SLF1: variants seen among roughly 807,000 people sequenced by gnomAD.
SLF1 encodes the protein SMC5-SMC6 complex localization factor protein 1.
In SLF1, 105 loss-of-function variants were observed where a neutral mutation model predicts 123.0. The observed-to-expected ratio is 0.85, with a 90% CI of 0.73 to 1.00. The LOEUF (loss-of-function observed/expected upper bound fraction) is 1.00, where lower values mean the gene tolerates loss of function less well. Ranked by LOEUF, SLF1 falls within the 50% of genes least tolerant of loss-of-function variation. The pLI, the probability that SLF1 is intolerant of heterozygous loss-of-function variation, is 0.00. For synonymous variants in SLF1, 434 were observed against 406.6 expected (o/e 1.07, Z -0.81); for missense variants, 1,239 against 1,223.0 (o/e 1.01, Z -0.20).
rs1464199127 is a variant in SLF1 at position 94,656,664 on chromosome 5, T to C, written c.1155+1912T>C. Among the ~76,000 whole-genome samples, 13 of 152,032 alleles carry C rather than the reference T, an allele frequency of 8.6e-5. No individual in the cohort carries two copies. In the East Asian group the frequency reaches 2.5e-3, roughly 29 times the overall value. On this transcript the variant is annotated intron_variant, in intron 9 of 20. Transcript: ENST00000265140. ...GAGTTTTATTACTGATTAAATCTCA[T>C]TGGTCTGTTCAGGTTTTCTGTTTCT...
At chr5:94,619,105 C>T (rs1220713300) in intron 1 of SLF1, among the ~76,000 whole-genome samples, 1 of 152,094 alleles carries the variant, frequency 6.6e-6, no homozygotes, top group East Asian at 1.9e-4. Context: ...CTCGGCCCGC[C>T]GCCTGGAAGG....
chr5:94,621,098 T>C (rs116282419), intron 1 of SLF1, among the ~76,000 whole-genome samples: 1,785 of 152,328 alleles, frequency 0.012, 42 homozygotes, highest in African/African-American at 0.042. Context: ...TTCAGTGATA[T>C]TGCTGTTCTA....
intron 6 of SLF1, among the ~76,000 whole-genome samples, chr5:94,651,436 G>A (rs1049381364): frequency 6.6e-6 from 1 of 152,096 alleles, no homozygotes; most frequent in African/African-American, 2.4e-5. Flanking sequence ...TAAACAACAT[G>A]ATTTGTAATA....
At chr5:94,619,754 G>T (rs1046710692) in intron 1 of SLF1, among the ~76,000 whole-genome samples, 1 of 152,214 alleles carries the variant, frequency 6.6e-6, no homozygotes, top group Non-Finnish European at 1.5e-5. Flanking sequence ...GGATGTGCAA[G>T]ATGTTCTCAT....
chr5:94,658,693 C>A (rs946194948), intron 9 of SLF1, among the ~76,000 whole-genome samples: 1 of 152,124 alleles, frequency 6.6e-6, no homozygotes. Flanking sequence ...ACACTTGGGA[C>A]GTTTTCAGCT....
intron 1 of SLF1, among the ~76,000 whole-genome samples, chr5:94,620,583 T>G (rs1561411930): frequency 2.0e-5 from 3 of 152,202 alleles, no homozygotes; most frequent in Non-Finnish European, 4.4e-5. Context: ...AAGTAGGGTT[T>G]TCACCATTTA....
chr5:94,666,953 CTTT>C (rs34215806), intron 12 of SLF1, among the ~76,000 whole-genome samples: 15 of 104,602 alleles, frequency 1.4e-4, no homozygotes, highest in Non-Finnish European at 9.2e-5. Flanking sequence ...CTGGGAAGAT[CTTT>C]TTTTTTTTTT....
At chr5:94,673,224 G>A (rs992252430) in intron 14 of SLF1, among the ~76,000 whole-genome samples, 1 of 151,678 alleles carries the variant, frequency 6.6e-6, no homozygotes, top group Admixed American at 6.6e-5. Context: ...CTTAAAATCA[G>A]TGAAAGTCCT....
chr5:94,670,311 T>A, intron 13 of SLF1, 32 bp downstream of exon 13: 1 of 1,416,852 alleles, frequency 7.1e-7, no homozygotes, highest in Non-Finnish European at 9.2e-7. Context: ...AACACTTTTC[T>A]AAATTTTGGT....
intron 4 of SLF1, among the ~76,000 whole-genome samples, chr5:94,641,579 G>T (rs1446737712): frequency 6.6e-6 from 1 of 152,156 alleles, no homozygotes; most frequent in African/African-American, 2.4e-5. Context: ...ATGGGGACTG[G>T]ACTGGAATGC....
chr5:94,663,345 A>G (rs1749352554), intron 10 of SLF1, among the ~76,000 whole-genome samples: 1 of 152,260 alleles, frequency 6.6e-6, no homozygotes, highest in South Asian at 2.1e-4. Context: ...AGATGAGGAA[A>G]TTAAAATTTG....
chr5:94,629,890 A>T (rs1745018147), intron 3 of SLF1, among the ~76,000 whole-genome samples: 1 of 152,218 alleles, frequency 6.6e-6, no homozygotes, highest in Non-Finnish European at 1.5e-5. Context: ...CATGCCTGTA[A>T]TCCTAGCACT....
intron 14 of SLF1, among the ~76,000 whole-genome samples, chr5:94,674,661 G>T (rs1246672605): frequency 1.3e-5 from 2 of 152,170 alleles, no homozygotes; most frequent in Non-Finnish European, 2.9e-5. Flanking sequence ...CTAAACAGAA[G>T]TCCTCAGTTT....
intron 5 of SLF1, among the ~76,000 whole-genome samples, chr5:94,644,977 A>G (rs1214203877): frequency 6.6e-6 from 1 of 152,238 alleles, no homozygotes; most frequent in Non-Finnish European, 1.5e-5. Context: ...CATGTAATAT[A>G]TCATTATATA....
At chr5:94,624,974 C>G (rs1792099248) in intron 1 of SLF1, among the ~76,000 whole-genome samples, 1 of 151,302 alleles carries the variant, frequency 6.6e-6, no homozygotes, top group Non-Finnish European at 1.5e-5. Flanking sequence ...ATCACAAGGT[C>G]AGGAGATCGA....
At chr5:94,671,123 A>C in intron 14 of SLF1, 115 bp downstream of exon 14, 1 of 759,806 alleles carries the variant, frequency 1.3e-6, no homozygotes, top group Non-Finnish European at 2.0e-6. Flanking sequence ...AATGTACCCA[A>C]ATATATCATT....
chr5:94,631,514 T>C (rs1282082805), intron 4 of SLF1, among the ~76,000 whole-genome samples: 1 of 152,236 alleles, frequency 6.6e-6, no homozygotes, highest in Non-Finnish European at 1.5e-5. Context: ...CATACTTAAA[T>C]ACTGCTTTGA....
At chr5:94,659,435 A>G (rs957328626) in intron 9 of SLF1, among the ~76,000 whole-genome samples, 1 of 152,104 alleles carries the variant, frequency 6.6e-6, no homozygotes, top group African/African-American at 2.4e-5. Context: ...TTATGTTGCT[A>G]TCTGTGTATC....
Position 94,673,141 on chromosome 5 carries a change from C to T in SLF1, c.1827+2133C>T, listed in dbSNP as rs571363295. On this transcript the variant is annotated intron_variant, in intron 14 of 20. Coordinates refer to ENST00000265140, the MANE Select transcript of SLF1 (RefSeq NM_032290.4). The stretch of plus-strand genomic sequence containing the variant: ...ATCCTATGAGCAATTAGCTTTTGGC[C>T]ATGACTTTTTTTTTTTTTAATCTTT... 8.6e-5 allele frequency among the ~76,000 whole-genome samples: 13 copies of T among 151,940 alleles called. No individual in the cohort carries two copies. In the East Asian group the frequency reaches 2.5e-3, roughly 29 times the overall value.
Sources: allele counts gnomAD v4.1 joint callset (sites outside exome capture counted in the v4.1 genomes callset), GRCh38; gene constraint gnomAD v4.1.1; transcripts MANE v1.5; gene names NCBI Gene and HGNC (gene_info 2026-07-23, HGNC 2026-07-21).